THSD7B: variants seen among roughly 807,000 people sequenced by gnomAD.
THSD7B encodes the protein thrombospondin type 1 domain containing 7B.
THSD7B carries 138 observed loss-of-function variants against 213.6 expected under a neutral mutation model. The ratio of observed to expected loss-of-function variants is 0.65; its 90% CI spans 0.56 to 0.74. The LOEUF is 0.74. Ranked by LOEUF, THSD7B falls within the 30% of genes least tolerant of loss-of-function variation. THSD7B has a pLI of 0.00. For synonymous variants in THSD7B, 742 were observed against 687.0 expected, an observed-to-expected ratio of 1.08 and a Z score of -1.25; for missense variants, 1,931 against 1,991.5, an observed-to-expected ratio of 0.97 and a Z score of 0.58.
rs1682959548 is a variant in THSD7B at position 137,642,540 on chromosome 2, G to A, written c.3852G>A (p.Arg1284=). The A allele has an allele frequency of 6.2e-7, 1 of 1,613,736 alleles. No individual in the cohort carries two copies. The highest frequency in any genetic ancestry group is 1.3e-5 in the African/African-American group (1 of 74,898). The change falls in exon 21 of 28, where the codon CGG becomes CGA. Residue 1284 remains arginine (R), a synonymous_variant. Coordinates refer to ENST00000409968, the MANE Select transcript of THSD7B (RefSeq NM_001316349.2). Reference sequence around the variant, plus strand: ...TTATGCCAACCCAAGGAGAAGGACGGCCATGCCCCACAGAGCTTACCCAGG... The same window carrying A: ...TTATGCCAACCCAAGGAGAAGGACGACCATGCCCCACAGAGCTTACCCAGG... ...FIIMPTQGEG[R]PCPTELTQEK...
intron 2 of THSD7B, among the ~76,000 whole-genome samples, chr2:137,018,754 A>G (rs1686389279): frequency 6.6e-6 from 1 of 152,180 alleles, no homozygotes. Flanking sequence ...TCTAATCATT[A>G]ATATTTAAAA....
At chr2:137,074,508 G>C (rs1013526731) in intron 3 of THSD7B, among the ~76,000 whole-genome samples, 16 of 152,204 alleles carry the variant, frequency 1.1e-4, no homozygotes, top group African/African-American at 3.1e-4. Context: ...TTCCTGAATA[G>C]AGCACACTGA....
At chr2:137,512,472 G>A (rs879902231) in intron 15 of THSD7B, among the ~76,000 whole-genome samples, 4 of 128,860 alleles carry the variant, frequency 3.1e-5, no homozygotes, top group East Asian at 5.1e-4. Flanking sequence ...GCTCACTGCC[G>A]CCTTGACCTC....
chr2:137,081,829 C>T (rs1039600270), intron 3 of THSD7B, among the ~76,000 whole-genome samples: 2 of 152,014 alleles, frequency 1.3e-5, no homozygotes, highest in Non-Finnish European at 2.9e-5. Context: ...TCCAAAGCAT[C>T]CTCTTTTGTT....
chr2:137,558,325 G>A (rs1681028702), intron 15 of THSD7B, among the ~76,000 whole-genome samples: 1 of 152,112 alleles, frequency 6.6e-6, no homozygotes, highest in Non-Finnish European at 1.5e-5. Flanking sequence ...TAAAATACTG[G>A]CAAACTGAAT....
intron 20 of THSD7B, among the ~76,000 whole-genome samples, chr2:137,623,012 A>T (rs1682550906): frequency 1.3e-5 from 2 of 152,218 alleles, no homozygotes; most frequent in South Asian, 4.1e-4. Context: ...AAAGCCTGGC[A>T]GAGACACAAC....
Position 137,056,454 on chromosome 2 carries a change from C to G in THSD7B, c.174C>G (p.Pro58=), listed in dbSNP as rs772035764. The G allele has an allele frequency of 6.2e-7, 1 of 1,613,642 alleles. No homozygotes were observed. Among genetic ancestry groups the G allele is most frequent in the African/African-American group, 1.3e-5 (1 of 74,896 alleles). ...PWGRCTGDCG[P]GGVQSRAVWC... ...GAAGGTGTACAGGAGACTGTGGTCC[C>G]GGAGGAGTCCAGAGTCGGGCAGTGT... The change falls in exon 3 of 28, where the codon CCC becomes CCG. Residue 58 remains proline (P), a synonymous_variant. Transcript: ENST00000409968.
intron 12 of THSD7B, among the ~76,000 whole-genome samples, chr2:137,315,432 G>T (rs530187975): frequency 6.6e-6 from 1 of 152,062 alleles, no homozygotes; most frequent in Non-Finnish European, 1.5e-5. Context: ...AGATGAACCC[G>T]ATACCTCAGA....
At chr2:137,520,170 G>A (rs2105165216) in intron 15 of THSD7B, among the ~76,000 whole-genome samples, 1 of 152,220 alleles carries the variant, frequency 6.6e-6, no homozygotes, top group Admixed American at 6.5e-5. Flanking sequence ...TTTGTTGGGT[G>A]GCAGTAGGAA....
chr2:137,120,251 A>G (rs13415499), intron 5 of THSD7B, among the ~76,000 whole-genome samples: 2,991 of 152,240 alleles, frequency 0.02, 106 homozygotes, highest in African/African-American at 0.067. Context: ...TCATAGGTGT[A>G]GGAGAAAGTC....
chr2:137,426,650 A>G (rs1300040040), intron 14 of THSD7B, among the ~76,000 whole-genome samples: 1 of 152,164 alleles, frequency 6.6e-6, no homozygotes, highest in Non-Finnish European at 1.5e-5. Flanking sequence ...TCATGCACAA[A>G]CTCAAAATAG....
chr2:137,619,986 C>A (rs1193261621), intron 19 of THSD7B, among the ~76,000 whole-genome samples: 1 of 152,098 alleles, frequency 6.6e-6, no homozygotes, highest in Non-Finnish European at 1.5e-5. Context: ...ATTATTCCTT[C>A]TGTGTTTCTC....
chr2:137,023,029 G>A (rs1415881242), intron 2 of THSD7B, among the ~76,000 whole-genome samples: 1 of 152,082 alleles, frequency 6.6e-6, no homozygotes, highest in Non-Finnish European at 1.5e-5. Flanking sequence ...AAGACAGTTA[G>A]CTTTATAAGA....
At chr2:137,088,991 G>A (rs78320679) in intron 3 of THSD7B, among the ~76,000 whole-genome samples, 12,678 of 152,166 alleles carry the variant, frequency 0.083, 752 homozygotes, top group African/African-American at 0.16. Context: ...TGTGGATGCA[G>A]TGAACAAGGA....
At chr2:137,356,290 A>G (rs1685128013) in intron 12 of THSD7B, among the ~76,000 whole-genome samples, 1 of 152,164 alleles carries the variant, frequency 6.6e-6, no homozygotes, top group Admixed American at 6.5e-5. Context: ...CTCACGGGCT[A>G]GAACTTCTGT....
chr2:137,574,685 G>A (rs1681422619), intron 17 of THSD7B, among the ~76,000 whole-genome samples: 2 of 151,980 alleles, frequency 1.3e-5, no homozygotes. Context: ...GTGAAAAAAT[G>A]GTAATTAGGG....
chr2:137,354,457 G>T (rs1395558714), intron 12 of THSD7B, among the ~76,000 whole-genome samples: 1 of 152,062 alleles, frequency 6.6e-6, no homozygotes, highest in Non-Finnish European at 1.5e-5. Context: ...CCAATTGAAT[G>T]TATTTTTCTT....
At chr2:137,419,734 A>G (rs577753526) in intron 14 of THSD7B, among the ~76,000 whole-genome samples, 9 of 151,946 alleles carry the variant, frequency 5.9e-5, no homozygotes, top group African/African-American at 1.9e-4. Context: ...GAGGTTCTCA[A>G]TCTGGTCCGA....
chr2:137,447,474 G>T (rs1016076329), intron 14 of THSD7B, among the ~76,000 whole-genome samples: 1 of 152,064 alleles, frequency 6.6e-6, no homozygotes, highest in Non-Finnish European at 1.5e-5. Context: ...AAAGCATTTT[G>T]TGACTCAGTT....
Sources: gnomAD v4.1 joint callset for allele counts (sites outside exome capture counted in the v4.1 genomes callset) on GRCh38, gnomAD v4.1.1 for gene constraint, MANE v1.5 for transcripts, NCBI Gene and HGNC (gene_info 2026-07-23, HGNC 2026-07-21) for gene names.